HGF: variants seen among roughly 807,000 people sequenced by gnomAD.
HGF encodes hepatocyte growth factor, also known as fibroblast-derived tumor cytotoxic factor.
A neutral mutation model predicts 111.6 loss-of-function variants in HGF; 39 were observed. That is an observed-to-expected ratio of 0.35 (90% CI 0.27 to 0.46). The LOEUF is 0.46. Ranked by LOEUF, HGF falls within the 20% of genes least tolerant of loss-of-function variation. HGF has a pLI of 1.00. For synonymous variants in HGF, 285 were observed against 294.8 expected, an observed-to-expected ratio of 0.97 and a Z score of 0.34; for missense variants, 735 against 910.5, an observed-to-expected ratio of 0.81 and a Z score of 2.48.
intron 14 of HGF, among the ~76,000 whole-genome samples, chr7:81,706,836 G>A (rs1320752562): frequency 6.6e-6 from 1 of 151,988 alleles, no homozygotes; most frequent in Non-Finnish European, 1.5e-5. Flanking sequence ...TGAGAAGCAG[G>A]AAGGAAGTTT....
In HGF at chr7:81,706,160, T is replaced by C; in HGVS notation, c.1757+127A>G. ...CCAAACGCACGCATATATACATATA[T>C]ATACAGCATGTAACATATGTTTATA... On this transcript the variant is annotated intron_variant, in intron 15 of 17. Coordinates refer to ENST00000222390, the MANE Select transcript of HGF (RefSeq NM_000601.6). 1.6e-5 allele frequency: 13 copies of C among 826,752 alleles called. No individual in the cohort carries two copies. The South Asian group carries it at 1.7e-4, about 11-fold the overall frequency. 51.2% of individuals were successfully genotyped at this position (826,752 alleles called of 1,614,324 possible).
intron 6 of HGF, 61 bp from the exon 7 acceptor site, chr7:81,743,532 A>C: frequency 9.7e-7 from 1 of 1,029,918 alleles, no homozygotes; most frequent in Non-Finnish European, 1.5e-6. Context: ...CCCACCCCTC[A>C]GCTCACAAAA....
intron 7 of HGF, among the ~76,000 whole-genome samples, chr7:81,741,692 A>G: frequency 6.6e-6 from 1 of 151,662 alleles, no homozygotes; most frequent in East Asian, 1.9e-4. Flanking sequence ...TAATCCCAGC[A>G]CTTTGGGAGG....
At position 81,766,407 on chromosome 7, in the gene HGF, A is replaced by T. The variant is rs560551665; in HGVS notation, c.88+3477T>A. 1.1e-4 allele frequency among the ~76,000 whole-genome samples: 17 copies of T among 152,324 alleles called. No homozygotes were observed. In the South Asian group the frequency reaches 3.5e-3, roughly 32 times the overall value. ...TAATTAATGGAAGGGAATGGTTGAG[A>T]CTGGAGATTGTAAACTCTCCAAAGC... On this transcript the variant is annotated intron_variant, in intron 1 of 17. Coordinates refer to ENST00000222390, the MANE Select transcript of HGF (RefSeq NM_000601.6).
chr7:81,731,017 AT>A (rs1421857429), intron 7 of HGF, among the ~76,000 whole-genome samples: 1 of 152,200 alleles, frequency 6.6e-6, no homozygotes, highest in South Asian at 2.1e-4. Context: ...TAGTGTAAAT[AT>A]TTTTAATAGC....
At chr7:81,739,252 C>A (rs868677957) in intron 7 of HGF, among the ~76,000 whole-genome samples, 7 of 152,126 alleles carry the variant, frequency 4.6e-5, no homozygotes, top group African/African-American at 1.7e-4. Flanking sequence ...CCTTGTTTTT[C>A]TCACTGCTTA....
chr7:81,738,172 C>T (rs921010009), intron 7 of HGF, among the ~76,000 whole-genome samples: 2 of 151,972 alleles, frequency 1.3e-5, no homozygotes, highest in African/African-American at 4.8e-5. Flanking sequence ...CAACAAAACC[C>T]CATGACACAG....
intron 6 of HGF, 34 bp downstream of exon 6, chr7:81,744,966 G>A: frequency 1.2e-6 from 2 of 1,609,888 alleles, no homozygotes; most frequent in Non-Finnish European, 1.7e-6. Flanking sequence ...GTTTGTAAAA[G>A]AATCACTGAA....
rs1263617447 is a variant in HGF, at chr7:81,726,020, A to G, written c.1041-3T>C. On this transcript the variant is annotated splice_region_variant and splice_polypyrimidine_tract_variant and intron_variant, in intron 8 of 17. Coordinates refer to ENST00000222390, the MANE Select transcript of HGF (RefSeq NM_000601.6). ...GGCAGTAATTTTCTCGTAGGTCCCT[A>G]TTGAGAATAAGCATGTTAATGTAAA... is the stretch of plus-strand genomic sequence containing the variant. The G allele has an allele frequency of 1.9e-6, 3 of 1,613,742 alleles. No individual in the cohort carries two copies. Among genetic ancestry groups the G allele is most frequent in the South Asian group, 2.2e-5 (2 of 91,078 alleles).
chr7:81,761,309 C>T (rs1244636832), intron 2 of HGF, among the ~76,000 whole-genome samples: 1 of 152,146 alleles, frequency 6.6e-6, no homozygotes, highest in Admixed American at 6.5e-5. Flanking sequence ...AACTATCTCC[C>T]GGAAATTGGC....
chr7:81,719,616 A>C lies in HGF; in HGVS notation c.1271+1129T>G, dbSNP rs185363294. 8.5e-4 allele frequency among the ~76,000 whole-genome samples: 130 copies of C among 152,344 alleles called. 2 individuals are homozygous for C. Among genetic ancestry groups the C allele is most frequent in the African/African-American group, 2.9e-3 (120 of 41,584 alleles). On this transcript the variant is annotated intron_variant, in intron 10 of 17. Coordinates refer to ENST00000222390, the MANE Select transcript of HGF (RefSeq NM_000601.6). Reference sequence around the variant, plus strand: ...CTGTAGATACAGTGGATTAAATAAAATATATTAAAATTAATTTTGCCTGTT... The same window carrying C: ...CTGTAGATACAGTGGATTAAATAAACTATATTAAAATTAATTTTGCCTGTT...
intron 5 of HGF, chr7:81,751,171 G>T (rs1481349491): frequency 1.2e-5 from 11 of 897,392 alleles, no homozygotes; most frequent in East Asian, 1.2e-4. Flanking sequence ...AAAAATATTT[G>T]GTTAATAACA....
At chr7:81,758,883 G>C (rs1788923494) in intron 2 of HGF, 79 bp from the exon 3 acceptor site, 1 of 896,622 alleles carries the variant, frequency 1.1e-6, no homozygotes, top group Admixed American at 1.8e-5. Context: ...GGTTCATCTT[G>C]TCCATGGGCA....
In HGF at chr7:81,761,261, A is replaced by C. The variant is rs539382705; in HGVS notation, c.254+1446T>G. On this transcript the variant is annotated intron_variant, in intron 2 of 17. Transcript: ENST00000222390. Reference sequence around the variant, plus strand: ...GGAATAAAACAGAATTATCATAGGAATATACTTGCAAAGTCAATTCCCACT... The same window carrying C: ...GGAATAAAACAGAATTATCATAGGACTATACTTGCAAAGTCAATTCCCACT... Among the ~76,000 whole-genome samples, 34 of 152,324 alleles carry C rather than the reference A, an allele frequency of 2.2e-4. No homozygotes were observed. The South Asian group carries it at 6.8e-3, about 31-fold the overall frequency.
At chr7:81,746,019 T>A (rs554406877) in intron 5 of HGF, among the ~76,000 whole-genome samples, 1 of 152,322 alleles carries the variant, frequency 6.6e-6, no homozygotes, top group South Asian at 2.1e-4. Flanking sequence ...CTTAAACACA[T>A]CATTTGTATC....
At chr7:81,721,344 A>G (rs916805424) in intron 9 of HGF, among the ~76,000 whole-genome samples, 3 of 152,244 alleles carry the variant, frequency 2.0e-5, no homozygotes, top group African/African-American at 7.2e-5. Flanking sequence ...TAAGCCCAGT[A>G]TCTTCATCAA....
intron 1 of HGF, among the ~76,000 whole-genome samples, chr7:81,764,423 G>C (rs142099437): frequency 1.3e-5 from 2 of 152,018 alleles, no homozygotes; most frequent in Non-Finnish European, 2.9e-5. Flanking sequence ...AATGGCTATG[G>C]TACAACAGAT....
At chr7:81,738,861 G>A (rs1787918203) in intron 7 of HGF, among the ~76,000 whole-genome samples, 1 of 152,010 alleles carries the variant, frequency 6.6e-6, no homozygotes, top group Non-Finnish European at 1.5e-5. Context: ...TATAATAGCT[G>A]CTCAGAAAAT....
At chr7:81,737,261 C>G (rs1032401029) in intron 7 of HGF, among the ~76,000 whole-genome samples, 1 of 151,982 alleles carries the variant, frequency 6.6e-6, no homozygotes, top group South Asian at 2.1e-4. Flanking sequence ...CCCATCTCCC[C>G]TTTACAGGAT....
Sources: allele counts gnomAD v4.1 joint callset (sites outside exome capture counted in the v4.1 genomes callset), GRCh38; gene constraint gnomAD v4.1.1; transcripts MANE v1.5; gene names NCBI Gene and HGNC (gene_info 2026-07-23, HGNC 2026-07-21).